The following RTTN variants were observed in gnomAD, a reference collection of about 807,000 sequenced individuals.
RTTN encodes rotatin.
In RTTN, 182 loss-of-function variants were observed where a neutral mutation model predicts 269.2. That is an observed-to-expected ratio of 0.68 (90% CI 0.60 to 0.76). The LOEUF (loss-of-function observed/expected upper bound fraction) is 0.76, where lower values mean the gene tolerates loss of function less well. Ranked by LOEUF, RTTN falls within the 30% of genes least tolerant of loss-of-function variation. RTTN has a pLI of 0.00. For missense variants in RTTN, 2,545 were observed against 2,608.6 expected, an observed-to-expected ratio of 0.98 and a Z score of 0.53; for synonymous variants, 1,006 against 963.5, an observed-to-expected ratio of 1.04 and a Z score of -0.82.
intron 32 of RTTN, among the ~76,000 whole-genome samples, chr18:70,076,682 C>A (rs1259210366): frequency 6.6e-6 from 1 of 151,950 alleles, no homozygotes; most frequent in East Asian, 1.9e-4. Context: ...CTAAACAGAG[C>A]AATTTATATA....
intron 16 of RTTN, among the ~76,000 whole-genome samples, 199 bp from the exon 17 acceptor site, chr18:70,149,236 A>AGGAAC (rs1388412186): frequency 6.6e-6 from 1 of 152,188 alleles, no homozygotes; most frequent in African/African-American, 2.4e-5. Flanking sequence ...ATACACATAC[A>AGGAAC]TACAGGAGAA....
intron 26 of RTTN, among the ~76,000 whole-genome samples, chr18:70,116,807 G>A (rs2059612406): frequency 6.6e-6 from 1 of 151,970 alleles, no homozygotes; most frequent in Non-Finnish European, 1.5e-5. Flanking sequence ...AGTGCACATT[G>A]AGCCCGTTAC....
chr18:70,127,767 G>A (rs760719155), intron 24 of RTTN, 26 bp from the exon 25 acceptor site: 1 of 1,580,208 alleles, frequency 6.3e-7, no homozygotes, highest in Non-Finnish European at 8.6e-7. Context: ...AAAAATGAAG[G>A]AGGAACATAA....
At chr18:70,025,032 C>A (rs1000596138) in intron 43 of RTTN, among the ~76,000 whole-genome samples, 184 bp from the exon 44 acceptor site, 6 of 152,258 alleles carry the variant, frequency 3.9e-5, no homozygotes, top group Non-Finnish European at 8.8e-5. Flanking sequence ...CCTGACCAAT[C>A]TCAGGACGTC....
chr18:70,108,103 CCT>C lies in RTTN; in HGVS notation c.3903+1393_3903+1394del, dbSNP rs1190053478. Among the ~76,000 whole-genome samples the C allele has an allele frequency of 2.6e-5, 4 of 152,216 alleles. No homozygotes were observed. The East Asian group carries it at 7.7e-4, about 29-fold the overall frequency. The stretch of plus-strand genomic sequence containing the variant: ...ACCAGCCTGGCCAACCTGGTGAAAC[CCT>C]GTCTCTACTAAAAAGACAAAAATTA... On this transcript the variant is annotated intron_variant, in intron 28 of 48. Transcript: ENST00000640769.
At position 70,121,648 on chromosome 18, in the gene RTTN, T is replaced by C. The variant is rs759726597; in HGVS notation, c.3436A>G (p.Ile1146Val). 1.8e-5 allele frequency: 29 copies of C among 1,575,878 alleles called. 1 individual carries two copies. In the South Asian group the frequency reaches 3.1e-4, roughly 17 times the overall value. Residue 1146 changes from isoleucine (I) to valine (V), a missense_variant, in exon 26 of 49, where the codon ATC (isoleucine) becomes GTC (valine). By Grantham distance (29) the Ile-to-Val change is conservative. Coordinates refer to ENST00000640769, the MANE Select transcript of RTTN (RefSeq NM_173630.4). ...ATTAATTTATTTAAAAAATGTATGA[T>C]ATCTATTAGCAGTTTCTCATCTTCA... ...CTEDEKLLID[I>V]IHFLNKLIKE...
At chr18:70,017,943 T>C (rs748104209) in intron 45 of RTTN, among the ~76,000 whole-genome samples, 6 of 152,212 alleles carry the variant, frequency 3.9e-5, no homozygotes, top group Non-Finnish European at 5.9e-5. Context: ...TTATTTAGAA[T>C]TGGTAATTAA....
chr18:70,048,909 ATTG>A (rs2057573112), intron 39 of RTTN, among the ~76,000 whole-genome samples: 1 of 152,106 alleles, frequency 6.6e-6, no homozygotes, highest in African/African-American at 2.4e-5. Flanking sequence ...AAAAATGATA[ATTG>A]TTATTAATGT....
At chr18:70,075,116 AAAG>A (rs1284446839) in intron 33 of RTTN, 2 of 321,080 alleles carry the variant, frequency 6.2e-6, no homozygotes, top group African/African-American at 2.2e-5. Context: ...ATATTTAGTG[AAAG>A]AAGGAAATAC....
At position 70,005,100 on chromosome 18, in the gene RTTN, T is replaced by C. The variant is rs117263627; in HGVS notation, c.6595+98A>G. 5,474 of 705,150 alleles carry C rather than the reference T, an allele frequency of 7.8e-3. 32 individuals carry two copies. The highest frequency in any genetic ancestry group is 0.021 in the Middle Eastern group (56 of 2,650). The allele number at this position is 705,150 out of a possible 1,614,324, so 43.7% of individuals were successfully genotyped here. ...TACTGAATATTGGCACATTTTACAA[T>C]GCCATTTTGCTGTGGCCTGTCCAAA... On this transcript the variant is annotated intron_variant, in intron 48 of 48. Coordinates refer to ENST00000640769, the MANE Select transcript of RTTN (RefSeq NM_173630.4).
chr18:70,169,547 T>C (rs2061083088), intron 11 of RTTN, among the ~76,000 whole-genome samples: 1 of 152,216 alleles, frequency 6.6e-6, no homozygotes, highest in East Asian at 1.9e-4. Context: ...AGTATAGCTA[T>C]AGATTGATTT....
At chr18:70,122,930 C>T (rs2059775245) in intron 25 of RTTN, among the ~76,000 whole-genome samples, 1 of 152,076 alleles carries the variant, frequency 6.6e-6, no homozygotes, top group Non-Finnish European at 1.5e-5. Context: ...CATTTTATAA[C>T]CACCCTCATA....
chr18:70,150,608 C>G lies in RTTN; in HGVS notation c.2055G>C (p.Glu685Asp). ...SVFGIQEPES[E>D]VNTAAKAILL... ...TTTTCACTCATGTTTAATGTCATAC[C>G]TCACTTTCGGGCTCTTGAATGCCAA... Residue 685 changes from glutamate to aspartate, a missense_variant and splice_region_variant, in exon 15 of 49, where the codon GAG (glutamate) becomes GAC (aspartate). Transcript: ENST00000640769. The G allele has an allele frequency of 6.2e-7, 1 of 1,611,616 alleles. No individual in the cohort carries two copies. Among genetic ancestry groups the G allele is most frequent in the Non-Finnish European group, 8.5e-7 (1 of 1,178,388 alleles).
intron 30 of RTTN, chr18:70,091,422 A>T (rs2058842773): frequency 1.3e-5 from 2 of 152,016 alleles, no homozygotes; most frequent in Admixed American, 6.6e-5. Context: ...ATTATAATAA[A>T]AAAAAAAAGA....
chr18:70,123,429 C>G lies in RTTN; in HGVS notation c.3384-1729G>C, dbSNP rs55982491. On this transcript the variant is annotated intron_variant, in intron 25 of 48. Transcript: ENST00000640769. ...ACTATGCTGTAAGAGATCACCAGAA[C>G]TCATTCCTCTTGTCTAACTGGAATT... is the stretch of plus-strand genomic sequence containing the variant. Among the ~76,000 whole-genome samples the G allele has an allele frequency of 8.7e-3, 1,321 of 152,182 alleles. 8 individuals carry two copies. The highest frequency in any genetic ancestry group is 0.014 in the Non-Finnish European group (930 of 67,954).
chr18:70,181,987 T>C (rs1410329219), intron 10 of RTTN, among the ~76,000 whole-genome samples: 1 of 152,136 alleles, frequency 6.6e-6, no homozygotes, highest in Non-Finnish European at 1.5e-5. Flanking sequence ...TACAGATAAA[T>C]GTTCTGGCCA....
rs1482607392 is a variant in RTTN at position 70,092,770 on chromosome 18, T to G, written c.3938A>C (p.Asn1313Thr). 1.2e-6 allele frequency: 2 copies of G among 1,611,944 alleles called. No individual in the cohort carries two copies. Among genetic ancestry groups the G allele is most frequent in the East Asian group, 2.2e-5 (1 of 44,844 alleles). The change falls in exon 29 of 49, where the codon AAT (asparagine) becomes ACT (threonine). Residue 1313 changes from asparagine to threonine, a missense_variant. Transcript: ENST00000640769. The part of the protein sequence containing the change: ...ITSFYVERGG[N>T]AMSFMGKGVT... ...ACCTTTTCCCATGAAGGACATAGCA[T>G]TTCCTCCACGCTCCACATAAAAAGA...
At chr18:70,051,636 T>G (rs2057672603) in intron 38 of RTTN, 88 bp from the exon 39 acceptor site, 1 of 965,198 alleles carries the variant, frequency 1.0e-6, no homozygotes, top group East Asian at 2.7e-5. Context: ...AGACGCTTCA[T>G]TACACTTAAA....
chr18:70,077,821 C>T (rs1369016932), intron 32 of RTTN, among the ~76,000 whole-genome samples: 11 of 151,288 alleles, frequency 7.3e-5, no homozygotes, highest in African/African-American at 2.7e-4. Context: ...TTTAGCCTAC[C>T]AAGATTGAAG....
Sources: allele counts gnomAD v4.1 joint callset (sites outside exome capture counted in the v4.1 genomes callset), GRCh38; gene constraint gnomAD v4.1.1; transcripts MANE v1.5; gene names NCBI Gene and HGNC (gene_info 2026-07-23, HGNC 2026-07-21).